The following CSMD1 variants were observed in gnomAD, a reference collection of about 807,000 sequenced individuals.
CSMD1 encodes the protein CUB and sushi domain-containing protein 1.
CSMD1 carries 213 observed loss-of-function variants against 417.5 expected under a neutral mutation model. That is an observed-to-expected ratio of 0.51 (90% CI 0.46 to 0.57). CSMD1 has a LOEUF of 0.57. CSMD1 is among the 20% of genes least tolerant of loss of function. The pLI, the probability that CSMD1 is intolerant of heterozygous loss-of-function variation, is 0.00. For missense variants in CSMD1, 6,923 were observed against 4,529.7 expected (o/e 1.53, Z -15.17); for synonymous variants, 2,862 against 1,736.8 (o/e 1.65, Z -16.11).
At chr8:4,922,500 TTTGACTCGTTTTACA>T (rs1378516611) in intron 1 of CSMD1, among the ~76,000 whole-genome samples, 5 of 152,242 alleles carry the variant, frequency 3.3e-5, no homozygotes, top group Non-Finnish European at 7.3e-5. Context: ...TACCTTAAAA[TTTGACTCGTTTTACA>T]TTGCTGGGCA....
At chr8:4,607,707 C>T (rs1707031532) in intron 2 of CSMD1, among the ~76,000 whole-genome samples, 1 of 152,286 alleles carries the variant, frequency 6.6e-6, no homozygotes, top group African/African-American at 2.4e-5. Flanking sequence ...CGTGAGTATT[C>T]CACCCCTTGG....
intron 10 of CSMD1, among the ~76,000 whole-genome samples, chr8:3,497,454 T>G (rs1796413505): frequency 6.6e-6 from 1 of 152,184 alleles, no homozygotes; most frequent in Non-Finnish European, 1.5e-5. Flanking sequence ...TCACCCAGGC[T>G]GGAGTGCAGT....
chr8:3,956,771 G>C (rs1455741532), intron 5 of CSMD1, among the ~76,000 whole-genome samples: 3 of 152,206 alleles, frequency 2.0e-5, no homozygotes, highest in Admixed American at 6.5e-5. Context: ...CTTAGTTTTA[G>C]CCTCTGGAAG....
chr8:3,533,491 T>C (rs796440241), intron 10 of CSMD1, among the ~76,000 whole-genome samples: 10 of 152,300 alleles, frequency 6.6e-5, no homozygotes, highest in African/African-American at 2.4e-4. Context: ...GTATTTGTCC[T>C]GTGAGCAGCT....
chr8:4,086,000 G>T (rs916806717), intron 3 of CSMD1, among the ~76,000 whole-genome samples: 1 of 152,072 alleles, frequency 6.6e-6, no homozygotes, highest in Non-Finnish European at 1.5e-5. Context: ...ATTAAAAGAA[G>T]GAGCAAGGAC....
chr8:4,535,284 G>A (rs769541921), intron 2 of CSMD1, among the ~76,000 whole-genome samples: 6 of 151,836 alleles, frequency 4.0e-5, no homozygotes, highest in Non-Finnish European at 8.8e-5. Context: ...AAATCACAGG[G>A]GGAAGTCAAT....
intron 1 of CSMD1, among the ~76,000 whole-genome samples, chr8:4,644,254 C>G (rs918873637): frequency 4.6e-5 from 7 of 152,140 alleles, no homozygotes; most frequent in Non-Finnish European, 8.8e-5. Flanking sequence ...TGTTCCCACC[C>G]CAGGCCCTTT....
At chr8:3,335,246 C>G (rs141109154) in intron 23 of CSMD1, among the ~76,000 whole-genome samples, 1,976 of 152,216 alleles carry the variant, frequency 0.013, 42 homozygotes, top group African/African-American at 0.045. Context: ...CTCTGTGTTA[C>G]GAATTCACAG....
At chr8:3,133,478 C>T (rs1431568565) in intron 41 of CSMD1, among the ~76,000 whole-genome samples, 2 of 152,148 alleles carry the variant, frequency 1.3e-5, no homozygotes, top group Non-Finnish European at 2.9e-5. Flanking sequence ...AGAGGCGCCC[C>T]TGGGAGCAGA....
intron 5 of CSMD1, among the ~76,000 whole-genome samples, chr8:3,899,570 G>T (rs148144778): frequency 6.6e-6 from 1 of 152,248 alleles, no homozygotes; most frequent in Non-Finnish European, 1.5e-5. Flanking sequence ...GGTTGTTGTT[G>T]TAAAATTTCT....
At chr8:4,559,480 G>A (rs567540735) in intron 2 of CSMD1, among the ~76,000 whole-genome samples, 4 of 152,272 alleles carry the variant, frequency 2.6e-5, no homozygotes, top group African/African-American at 9.6e-5. Context: ...AGAAAAGTAA[G>A]AGATAAAATT....
chr8:4,637,275 C>G (rs988082184), intron 2 of CSMD1, 67 bp downstream of exon 2: 61 of 1,332,750 alleles, frequency 4.6e-5, no homozygotes, highest in Non-Finnish European at 6.2e-5. Context: ...TTTAAATATT[C>G]CAACTAGATT....
At chr8:2,953,111 A>G (rs1309019384) in intron 65 of CSMD1, among the ~76,000 whole-genome samples, 2 of 152,334 alleles carry the variant, frequency 1.3e-5, no homozygotes, top group African/African-American at 4.8e-5. Context: ...ATAAAAAACA[A>G]AACACACACA....
rs531569473 is a variant in CSMD1, at chr8:4,688,354, G to A, written c.86-50796C>T. On this transcript the variant is annotated intron_variant, in intron 1 of 69. Coordinates refer to ENST00000635120, the MANE Select transcript of CSMD1 (RefSeq NM_033225.6). ...AGTCACCAGAACTAAAAAGCTGTAA[G>A]TGCCCAAAATAATGGACTATCAGGT... Among the ~76,000 whole-genome samples, 43 of 152,292 alleles carry A rather than the reference G, an allele frequency of 2.8e-4. 1 individual carries two copies. The highest frequency in any genetic ancestry group is 5.4e-4 in the Non-Finnish European group (37 of 68,024).
At chr8:3,329,003 C>G (rs1393755934) in intron 23 of CSMD1, among the ~76,000 whole-genome samples, 4 of 151,998 alleles carry the variant, frequency 2.6e-5, no homozygotes, top group Non-Finnish European at 4.4e-5. Context: ...AAGAAAGCAT[C>G]AGGAAGAACC....
intron 3 of CSMD1, among the ~76,000 whole-genome samples, chr8:4,120,678 G>T (rs28528365): frequency 7.9e-5 from 12 of 152,134 alleles, no homozygotes; most frequent in Non-Finnish European, 1.8e-4. Context: ...TTTTAAAGAA[G>T]TAAGTTTAGA....
intron 2 of CSMD1, among the ~76,000 whole-genome samples, chr8:4,602,749 T>C (rs1277576205): frequency 6.6e-6 from 1 of 152,150 alleles, no homozygotes; most frequent in Non-Finnish European, 1.5e-5. Context: ...AGATAACTAC[T>C]GCAGAAAAAT....
chr8:4,563,753 G>A (rs1467012590), intron 2 of CSMD1, among the ~76,000 whole-genome samples: 1 of 152,168 alleles, frequency 6.6e-6, no homozygotes, highest in Non-Finnish European at 1.5e-5. Context: ...ATGTTAACAT[G>A]ACTAGACCAT....
At chr8:4,763,056 GCTGTAACA>G (rs1812220899) in intron 1 of CSMD1, among the ~76,000 whole-genome samples, 2 of 152,162 alleles carry the variant, frequency 1.3e-5, no homozygotes, top group Non-Finnish European at 2.9e-5. Context: ...CCAGGGTACA[GCTGTAACA>G]TCCAGTGTCA....
Sources: gnomAD v4.1 joint callset for allele counts (sites outside exome capture counted in the v4.1 genomes callset) on GRCh38, gnomAD v4.1.1 for gene constraint, MANE v1.5 for transcripts, NCBI Gene and HGNC (gene_info 2026-07-23, HGNC 2026-07-21) for gene names.